Variants in MEIS2 observed in about 807,000 individuals in gnomAD.
The protein encoded by MEIS2 is homeobox protein Meis2.
Under a neutral mutation model 58.6 loss-of-function variants are expected in MEIS2, and 9 were observed. That is an observed-to-expected ratio of 0.15 (90% CI 0.09 to 0.27). The LOEUF (loss-of-function observed/expected upper bound fraction) is 0.27. Among genes scored for constraint, MEIS2 ranks in the 10% least tolerant of loss-of-function variants. The pLI is 1.00. For missense variants in MEIS2, 427 were observed against 635.0 expected (o/e 0.67, Z 3.52); for synonymous variants, 221 against 228.4 (o/e 0.97, Z 0.29).
intron 9 of MEIS2, among the ~76,000 whole-genome samples, chr15:36,912,300 A>G (rs1191600557): frequency 6.6e-6 from 1 of 152,052 alleles, no homozygotes; most frequent in Non-Finnish European, 1.5e-5. Flanking sequence ...TTACAAAATT[A>G]TTTTCCTATC....
intron 7 of MEIS2, among the ~76,000 whole-genome samples, chr15:37,067,800 T>C (rs113275982): frequency 1.3e-5 from 2 of 152,202 alleles, no homozygotes; most frequent in African/African-American, 2.4e-5. Context: ...AGAAAGAAAG[T>C]GTCTTGAGCT....
intron 6 of MEIS2, among the ~76,000 whole-genome samples, chr15:37,087,689 C>A (rs1392603039): frequency 2.0e-5 from 3 of 152,086 alleles, no homozygotes; most frequent in Non-Finnish European, 2.9e-5. Context: ...GCATAGGAAG[C>A]AAATCATATG....
intron 9 of MEIS2, among the ~76,000 whole-genome samples, chr15:36,938,896 A>G (rs946781394): frequency 6.6e-6 from 1 of 152,136 alleles, no homozygotes; most frequent in African/African-American, 2.4e-5. Context: ...TCTTTCACGC[A>G]CCACACTGCA....
chr15:36,925,015 G>T (rs1363250754), intron 9 of MEIS2, among the ~76,000 whole-genome samples: 1 of 152,072 alleles, frequency 6.6e-6, no homozygotes, highest in Non-Finnish European at 1.5e-5. Flanking sequence ...AGACCGCCCG[G>T]GCAGCACACT....
chr15:36,891,779 C>T lies in MEIS2; in HGVS notation c.*394G>A. The T allele has an allele frequency of 4.6e-6, 1 of 218,364 alleles. No homozygotes were observed. Among genetic ancestry groups the T allele is most frequent in the Non-Finnish European group, 9.1e-6 (1 of 110,048 alleles). 13.5% of individuals were successfully genotyped at this position (218,364 alleles called of 1,614,324 possible). ...CCTGGATGGTGAATTCACTGATGAA[C>T]CAAAACAGTCATTCTTTTGGGAACA... On this transcript the variant is annotated 3_prime_UTR_variant, in exon 12 of 12. Transcript: ENST00000561208.
chr15:36,986,700 T>C (rs1353703742), intron 8 of MEIS2, among the ~76,000 whole-genome samples: 1 of 152,176 alleles, frequency 6.6e-6, no homozygotes, highest in Non-Finnish European at 1.5e-5. Flanking sequence ...CCTCTGGCCT[T>C]CTAGGATCTG....
intron 8 of MEIS2, among the ~76,000 whole-genome samples, chr15:37,015,192 C>T (rs2061306347): frequency 6.6e-6 from 1 of 152,122 alleles, no homozygotes; most frequent in African/African-American, 2.4e-5. Context: ...AACGTGCAGC[C>T]CCAGAGGGCA....
chr15:37,095,831 G>A, intron 3 of MEIS2: 1 of 628,792 alleles, frequency 1.6e-6, no homozygotes, highest in Non-Finnish European at 2.7e-6. Context: ...GTACGACTAA[G>A]CTGTAGCCAG....
In MEIS2 at chr15:36,971,553, A is replaced by AAAAAAAAAAAAAAAAAG. The variant is rs1555438306; in HGVS notation, c.901-21154_901-21153insCTTTTTTTTTTTTTTTT. Among the ~76,000 whole-genome samples, 87 of 132,048 alleles carry AAAAAAAAAAAAAAAAAG rather than the reference A, an allele frequency of 6.6e-4. 5 individuals carry two copies. Among genetic ancestry groups the AAAAAAAAAAAAAAAAAG allele is most frequent in the African/African-American group, 2.3e-3 (67 of 29,548 alleles). The allele number at this position is 132,048 out of a possible 152,430, so 86.6% of individuals were successfully genotyped here. A position where few individuals can be genotyped will look rare whatever the true frequency, so the allele number is the denominator to read the frequency against. Reference sequence around the variant, plus strand: ...TTGTTACATTAAAAAAAAAAAAAAAAAAAAAAAAAAAGGGCTGTTCCAGTG... The same window carrying AAAAAAAAAAAAAAAAAG: ...TTGTTACATTAAAAAAAAAAAAAAAAAAAAAAAAAAAAAAAAGAAAAAAAAAAAGGGCTGTTCCAGTG... On this transcript the variant is annotated intron_variant, in intron 8 of 11. Coordinates refer to ENST00000561208, the MANE Select transcript of MEIS2 (RefSeq NM_170675.5).
intron 9 of MEIS2, among the ~76,000 whole-genome samples, chr15:36,941,310 T>C (rs1423882032): frequency 1.3e-5 from 2 of 152,164 alleles, no homozygotes; most frequent in Non-Finnish European, 2.9e-5. Flanking sequence ...GAAAAGGAAA[T>C]TTGCCCATGG....
At chr15:37,007,355 C>G (rs1022872405) in intron 8 of MEIS2, among the ~76,000 whole-genome samples, 2 of 151,986 alleles carry the variant, frequency 1.3e-5, no homozygotes, top group Non-Finnish European at 2.9e-5. Flanking sequence ...ATAGCAAGGT[C>G]CCATCTCAAT....
chr15:36,938,382 C>T (rs1171986610), intron 9 of MEIS2, among the ~76,000 whole-genome samples: 2 of 152,104 alleles, frequency 1.3e-5, no homozygotes, highest in African/African-American at 4.8e-5. Flanking sequence ...CCAGAGAAAC[C>T]ATCAGGCCCC....
intron 8 of MEIS2, among the ~76,000 whole-genome samples, chr15:36,953,032 T>G (rs2058817187): frequency 6.6e-6 from 1 of 152,062 alleles, no homozygotes; most frequent in Non-Finnish European, 1.5e-5. Flanking sequence ...TGGTCTGTGG[T>G]TTTTGAACAT....
intron 7 of MEIS2, 43 bp from the exon 8 acceptor site, chr15:37,037,002 G>A (rs762037057): frequency 2.8e-4 from 439 of 1,556,918 alleles, no homozygotes; most frequent in South Asian, 5.8e-4. Flanking sequence ...AACATCGCAA[G>A]GTGCCAACAA....
At chr15:36,910,088 C>T (rs79511785) in intron 9 of MEIS2, among the ~76,000 whole-genome samples, 1,790 of 152,092 alleles carry the variant, frequency 0.012, 28 homozygotes, top group African/African-American at 0.041. Context: ...TCTGTGTGGT[C>T]CCAGCTACTC....
intron 9 of MEIS2, among the ~76,000 whole-genome samples, chr15:36,906,340 C>T (rs1486220269): frequency 6.6e-6 from 1 of 151,838 alleles, no homozygotes; most frequent in Non-Finnish European, 1.5e-5. Flanking sequence ...TTGTCCAATC[C>T]AGGCAGAAGA....
intron 7 of MEIS2, among the ~76,000 whole-genome samples, chr15:37,071,537 T>C (rs1482306899): frequency 1.3e-5 from 2 of 152,130 alleles, no homozygotes; most frequent in Non-Finnish European, 2.9e-5. Flanking sequence ...AGTTTTCAAT[T>C]ATTTTGAAAG....
In MEIS2 at chr15:37,099,503, T is replaced by C; in HGVS notation, c.-37A>G. On this transcript the variant is annotated 5_prime_UTR_variant, in exon 1 of 12. The change creates a new upstream start codon in the 5' untranslated region. Coordinates refer to ENST00000561208, the MANE Select transcript of MEIS2 (RefSeq NM_170675.5). ...CCAATAAACTCCTGGATGTGTCGTA[T>C]ATTTAATATCCCAGTCCGGATAAGA... 6.2e-7 allele frequency: 1 copy of C among 1,613,856 alleles called. No homozygotes were observed. The highest frequency in any genetic ancestry group is 1.7e-4 in the Middle Eastern group (1 of 6,060).
chr15:37,066,561 A>G (rs955297371), intron 7 of MEIS2: 1 of 152,224 alleles, frequency 6.6e-6, no homozygotes, highest in Admixed American at 6.5e-5. Context: ...ACAAAAATTT[A>G]TGTAAAAATG....
Sources: gnomAD v4.1 joint callset for allele counts (sites outside exome capture counted in the v4.1 genomes callset) on GRCh38, gnomAD v4.1.1 for gene constraint, MANE v1.5 for transcripts, NCBI Gene and HGNC (gene_info 2026-07-23, HGNC 2026-07-21) for gene names.